The following HPD variants were observed in gnomAD, a reference collection of about 807,000 sequenced individuals.
HPD encodes 4-hydroxyphenylpyruvic acid oxidase.
A neutral mutation model predicts 56.9 loss-of-function variants in HPD; 35 were observed. The ratio of observed to expected loss-of-function variants is 0.62; its 90% CI spans 0.47 to 0.82. The LOEUF is 0.82. HPD is among the 40% of genes least tolerant of loss of function. HPD has a pLI of 0.00. For synonymous variants in HPD, 186 were observed against 200.2 expected, an observed-to-expected ratio of 0.93 and a Z score of 0.60; for missense variants, 442 against 506.8, an observed-to-expected ratio of 0.87 and a Z score of 1.23.
In HPD at chr12:121,858,711, C is replaced by T. The variant is rs377475703; in HGVS notation, c.6G>A (p.Thr2=). The T allele has an allele frequency of 1.2e-5, 20 of 1,614,062 alleles. No homozygotes were observed. The highest frequency in any genetic ancestry group is 1.7e-5 in the Admixed American group (1 of 60,010). Residue 2 remains threonine (T), a splice_region_variant and synonymous_variant, in exon 2 of 14, where the codon ACG becomes ACA. Transcript: ENST00000289004. M[T]TYSDKGAKPE... is the part of the protein sequence containing the mutation. ...CCTTTGCCCCTTTGTCACTGTAAGT[C>T]GTCTAAGGAGAAAAAGAAGGACAGT...
chr12:121,856,704 G>C, intron 4 of HPD, 79 bp from the exon 5 acceptor site: 1 of 1,322,508 alleles, frequency 7.6e-7, no homozygotes, highest in Non-Finnish European at 1.1e-6. Flanking sequence ...CCTCCCTGCC[G>C]ACCCGAAACA....
upstream of HPD, among the ~76,000 whole-genome samples, chr12:121,867,149 A>G (rs1353889951): frequency 6.6e-6 from 1 of 152,094 alleles, no homozygotes; most frequent in African/African-American, 2.4e-5. Context: ...TCAGGAATTC[A>G]AAAACCAGTC....
chr12:121,872,975 C>T, the HPD span, among the ~76,000 whole-genome samples: 1 of 152,036 alleles, frequency 6.6e-6, no homozygotes, highest in Non-Finnish European at 1.5e-5. Context: ...CTGGCATTTA[C>T]AACCACTGGT....
At chr12:121,858,454 G>C (rs1288094572) in intron 2 of HPD, among the ~76,000 whole-genome samples, 2 of 152,116 alleles carry the variant, frequency 1.3e-5, no homozygotes, top group African/African-American at 4.8e-5. Context: ...AAAGCACTGG[G>C]ATTACAGGCA....
At chr12:121,852,107 C>G (rs992317177) in intron 7 of HPD, among the ~76,000 whole-genome samples, 1 of 152,096 alleles carries the variant, frequency 6.6e-6, no homozygotes, top group African/African-American at 2.4e-5. Flanking sequence ...GCAGCCTCTA[C>G]CTCCTGGACT....
intron 4 of HPD, chr12:121,856,844 C>A: frequency 1.6e-6 from 1 of 609,210 alleles, no homozygotes; most frequent in African/African-American, 1.8e-5. Flanking sequence ...ACTGCTAGGT[C>A]AGGTCTCCCT....
At chr12:121,885,894 C>T in the HPD span, among the ~76,000 whole-genome samples, 3 of 150,990 alleles carry the variant, frequency 2.0e-5, no homozygotes, top group South Asian at 2.1e-4. Flanking sequence ...GGGAGGTGGA[C>T]GTTGCAGTGA....
chr12:121,858,881 A>G, upstream of HPD: 1 of 1,607,104 alleles, frequency 6.2e-7, no homozygotes, highest in Non-Finnish European at 8.5e-7. Flanking sequence ...GCTGGGCCGG[A>G]GTATTTAACC....
chr12:121,880,951 C>T, the HPD span, among the ~76,000 whole-genome samples: 37 of 152,278 alleles, frequency 2.4e-4, no homozygotes, highest in Middle Eastern at 6.8e-3. Flanking sequence ...TGTCCCACCA[C>T]GCCAGGCTAA....
chr12:121,876,822 G>C, the HPD span, among the ~76,000 whole-genome samples: 3 of 152,116 alleles, frequency 2.0e-5, no homozygotes, highest in Non-Finnish European at 4.4e-5. Flanking sequence ...GGTGGCTCAT[G>C]CCTGTAATCC....
At chr12:121,872,954 G>C in the HPD span, among the ~76,000 whole-genome samples, 1 of 152,132 alleles carries the variant, frequency 6.6e-6, no homozygotes, top group South Asian at 2.1e-4. Flanking sequence ...AAGCTAGTTT[G>C]AGTTGGGTTT....
chr12:121,886,043 C>T, the HPD span, among the ~76,000 whole-genome samples: 4 of 151,830 alleles, frequency 2.6e-5, no homozygotes, highest in Admixed American at 2.6e-4. Context: ...GATCCAGCCG[C>T]CTCGGTCTCC....
upstream of HPD, among the ~76,000 whole-genome samples, chr12:121,866,522 C>A (rs1403052475): frequency 6.6e-6 from 1 of 151,892 alleles, no homozygotes; most frequent in Non-Finnish European, 1.5e-5. Context: ...CGGTTCTCAG[C>A]CATTTGACGG....
At chr12:121,886,157 G>A in the HPD span, among the ~76,000 whole-genome samples, 1 of 144,612 alleles carries the variant, frequency 6.9e-6, no homozygotes, top group Non-Finnish European at 1.5e-5. Flanking sequence ...CGCCCGGGCT[G>A]GAGTGCAGTG....
chr12:121,845,395 G>A (rs1877545997), intron 11 of HPD, among the ~76,000 whole-genome samples: 1 of 149,258 alleles, frequency 6.7e-6, no homozygotes, highest in Non-Finnish European at 1.5e-5. Flanking sequence ...AGGAGATCGA[G>A]ACCATCCTGG....
At chr12:121,853,540 T>C (rs1416420734) in intron 7 of HPD, among the ~76,000 whole-genome samples, 1 of 148,056 alleles carries the variant, frequency 6.8e-6, no homozygotes, top group African/African-American at 2.5e-5. Flanking sequence ...GAGAATGGCG[T>C]GAACCCGGAA....
chr12:121,856,174 G>A lies in HPD; in HGVS notation c.324+150C>T. ...TCACTGTGATGCAGCATCTGGGCTT[G>A]TCACTGTGATGCAGCATCTGAGCTT... is the stretch of plus-strand genomic sequence containing the variant. On this transcript the variant is annotated intron_variant, in intron 6 of 13. Transcript: ENST00000289004. The A allele has an allele frequency of 5.5e-6, 4 of 722,576 alleles. No homozygotes were observed. The South Asian group carries it at 5.9e-5, about 11-fold the overall frequency. The allele number at this position is 722,576 out of a possible 1,614,324, so 44.8% of individuals were successfully genotyped here.
chr12:121,876,114 A>G, the HPD span, among the ~76,000 whole-genome samples: 2 of 151,990 alleles, frequency 1.3e-5, no homozygotes, highest in Non-Finnish European at 2.9e-5. Flanking sequence ...AGTTTCAGAC[A>G]GGCTTGGTCA....
At chr12:121,856,484 C>CTCTGGGTTCAGGG in intron 5 of HPD, 78 bp from the exon 6 acceptor site, 1 of 1,595,048 alleles carries the variant, frequency 6.3e-7, no homozygotes, top group Non-Finnish European at 8.6e-7. Context: ...TCCATCCAGG[C>CTCTGGGTTCAGGG]CCTGAACCCA....
Sources: allele counts gnomAD v4.1 joint callset (sites outside exome capture counted in the v4.1 genomes callset), GRCh38; gene constraint gnomAD v4.1.1; transcripts MANE v1.5; gene names NCBI Gene and HGNC (gene_info 2026-07-23, HGNC 2026-07-21).